The following BLNK variants were observed in gnomAD, a reference collection of about 807,000 sequenced individuals.
The protein encoded by BLNK is B cell linker.
In BLNK, 29 loss-of-function variants were observed where a neutral mutation model predicts 73.5. The ratio of observed to expected loss-of-function variants is 0.39; its 90% CI spans 0.29 to 0.54. The LOEUF is 0.54. BLNK is among the 20% of genes least tolerant of loss of function. The pLI is 0.61. For synonymous variants in BLNK, 176 were observed against 200.8 expected (o/e 0.88, Z 1.04); for missense variants, 460 against 562.8 (o/e 0.82, Z 1.85).
At chr10:96,208,262 A>G (rs2083868497) in intron 9 of BLNK, among the ~76,000 whole-genome samples, 1 of 152,012 alleles carries the variant, frequency 6.6e-6, no homozygotes, top group Admixed American at 6.6e-5. Context: ...CAGTATTTTC[A>G]GTGTTTCTGT....
chr10:96,204,011 A>G, intron 13 of BLNK, 46 bp downstream of exon 13: 3 of 1,552,224 alleles, frequency 1.9e-6, no homozygotes, highest in Non-Finnish European at 2.7e-6. Context: ...TCTAGGATCC[A>G]GCCTCGACCA....
At chr10:96,203,498 C>T (rs1335289305) in intron 13 of BLNK, 1 of 151,926 alleles carries the variant, frequency 6.6e-6, no homozygotes, top group African/African-American at 2.4e-5. Flanking sequence ...TTTTTTCCCA[C>T]ATTGAGTTGC....
chr10:96,216,705 A>T lies in BLNK; in HGVS notation c.555T>A (p.Asn185Lys). 7 of 1,614,102 alleles carry T rather than the reference A, an allele frequency of 4.3e-6. No homozygotes were observed. Among genetic ancestry groups the T allele is most frequent in the Non-Finnish European group, 5.9e-6 (7 of 1,179,956 alleles). ...EADYVVPVED[N>K]DENYIHPTES... Reference sequence around the variant, plus strand: ...CTGTGGGATGAATATAGTTTTCATCATTATCTTCCACGGGGACCACATAAT... The same window carrying T: ...CTGTGGGATGAATATAGTTTTCATCTTTATCTTCCACGGGGACCACATAAT... Residue 185 changes from asparagine to lysine, a missense_variant, in exon 7 of 17, where the codon AAT becomes AAA. Transcript: ENST00000224337.
At chr10:96,229,554 CT>C (rs1842416049) in intron 4 of BLNK, among the ~76,000 whole-genome samples, 1 of 152,074 alleles carries the variant, frequency 6.6e-6, no homozygotes, top group Non-Finnish European at 1.5e-5. Context: ...TTTGTGCTTT[CT>C]AAGTTCCCTT....
chr10:96,253,475 G>C (rs1843371714), intron 1 of BLNK, among the ~76,000 whole-genome samples: 1 of 152,146 alleles, frequency 6.6e-6, no homozygotes, highest in African/African-American at 2.4e-5. Flanking sequence ...AGAGAGGGAG[G>C]GGACAATCTC....
intron 10 of BLNK, among the ~76,000 whole-genome samples, chr10:96,207,390 C>T (rs1485067259): frequency 6.6e-6 from 1 of 152,000 alleles, no homozygotes; most frequent in African/African-American, 2.4e-5. Context: ...GTCTCATGAC[C>T]CCCCCCTTCT....
chr10:96,197,066 G>A lies in BLNK; in HGVS notation c.1096-3C>T. ...TTCCGAATAAGAAATGATCCATCCT[G>A]TTTAATTTTTTTTAAAAAACATAAT... On this transcript the variant is annotated splice_region_variant and splice_polypyrimidine_tract_variant and intron_variant, in intron 15 of 16. Transcript: ENST00000224337. The A allele has an allele frequency of 6.2e-7, 1 of 1,608,186 alleles. No individual in the cohort carries two copies. Among genetic ancestry groups the A allele is most frequent in the Middle Eastern group, 1.7e-4 (1 of 5,960 alleles).
chr10:96,228,091 TTTTC>T (rs142648613), intron 4 of BLNK, among the ~76,000 whole-genome samples: 18,748 of 49,866 alleles, frequency 0.38, 1,463 homozygotes, highest in South Asian at 0.56. Flanking sequence ...GCTCTCTTTT[TTTTC>T]TTTTTTTTTT....
At chr10:96,196,862 A>G in intron 16 of BLNK, 46 bp downstream of exon 16, 1 of 1,578,730 alleles carries the variant, frequency 6.3e-7, no homozygotes, top group Non-Finnish European at 8.7e-7. Flanking sequence ...ATGTCATTAT[A>G]CTCAATGCAT....
chr10:96,215,986 G>A (rs934902644), intron 7 of BLNK: 35 of 160,108 alleles, frequency 2.2e-4, no homozygotes, highest in African/African-American at 6.7e-4. Flanking sequence ...ACATGATGGC[G>A]GACTGAAACC....
chr10:96,232,214 C>T (rs1396801733), intron 3 of BLNK, among the ~76,000 whole-genome samples: 1 of 152,184 alleles, frequency 6.6e-6, no homozygotes, highest in African/African-American at 2.4e-5. Context: ...CCCTCCTGCC[C>T]CGCTGAGCAG....
intron 8 of BLNK, among the ~76,000 whole-genome samples, chr10:96,210,876 T>G (rs114011867): frequency 0.037 from 5,559 of 149,446 alleles, 237 homozygotes; most frequent in African/African-American, 0.1. Flanking sequence ...TTTTTTTTTT[T>G]TTTTTTTTTT....
intron 9 of BLNK, among the ~76,000 whole-genome samples, chr10:96,209,215 C>A (rs1292204094): frequency 6.6e-6 from 1 of 152,064 alleles, no homozygotes; most frequent in African/African-American, 2.4e-5. Flanking sequence ...ATTTACAGAC[C>A]ATAAAACTGA....
intron 4 of BLNK, 76 bp downstream of exon 4, chr10:96,230,718 T>C: frequency 4.0e-6 from 6 of 1,502,914 alleles, no homozygotes; most frequent in Non-Finnish European, 5.5e-6. Context: ...CACCAGCATG[T>C]AATTCAGAAA....
At chr10:96,264,673 C>G (rs1554913793) in intron 1 of BLNK, among the ~76,000 whole-genome samples, 1 of 152,066 alleles carries the variant, frequency 6.6e-6, no homozygotes, top group East Asian at 1.9e-4. Flanking sequence ...TAAAGCCTAC[C>G]CATCGGTTTC....
chr10:96,268,880 AG>A (rs1467196443), intron 1 of BLNK, among the ~76,000 whole-genome samples: 9 of 152,200 alleles, frequency 5.9e-5, no homozygotes, highest in Non-Finnish European at 1.5e-5. Context: ...TAAGCCTAAG[AG>A]TATAAACATA....
rs1390428695 is a variant in BLNK at position 96,200,321 on chromosome 10, TA to T, written c.1012-164del. 6.6e-6 allele frequency among the ~76,000 whole-genome samples: 1 copy of T among 152,190 alleles called. No individual in the cohort carries two copies. Among genetic ancestry groups the T allele is most frequent in the Non-Finnish European group, 1.5e-5 (1 of 68,044 alleles). Reference sequence around the variant, plus strand: ...TTTTCCTTTGATCAAACACAAGGATTATACCGTTAACTTGTTTTTTGTATTT... The same window carrying T: ...TTTTCCTTTGATCAAACACAAGGATTTACCGTTAACTTGTTTTTTGTATTT... On this transcript the variant is annotated intron_variant, in intron 14 of 16. Transcript: ENST00000224337. This position sits in a 1 kb window ranked among gnomAD's most constrained non-coding sequence, Gnocchi z 4.3.
chr10:96,241,195 C>A (rs1221510323), intron 3 of BLNK, among the ~76,000 whole-genome samples: 1 of 152,152 alleles, frequency 6.6e-6, no homozygotes, highest in Admixed American at 6.5e-5. Context: ...CTATCTTGAT[C>A]AGTGGCCGAA....
intron 3 of BLNK, among the ~76,000 whole-genome samples, chr10:96,232,689 T>C (rs1554904270): frequency 6.6e-6 from 1 of 152,246 alleles, no homozygotes; most frequent in Non-Finnish European, 1.5e-5. Context: ...GGTTGACTAA[T>C]GCTGAATTAG....
Sources: gnomAD v4.1 joint callset for allele counts (sites outside exome capture counted in the v4.1 genomes callset) on GRCh38, gnomAD v4.1.1 for gene constraint, Gnocchi (gnomAD v3.1) non-coding constraint, MANE v1.5 for transcripts, NCBI Gene and HGNC (gene_info 2026-07-23, HGNC 2026-07-21) for gene names.